Variants in FBXL16 observed in about 807,000 individuals in gnomAD.
FBXL16 encodes F-box/LRR-repeat protein 16.
In FBXL16, 7 loss-of-function variants were observed where a neutral mutation model predicts 36.7. That is an observed-to-expected ratio of 0.19 (90% CI 0.11 to 0.36). The LOEUF is 0.36. Ranked by LOEUF, FBXL16 falls within the 10% of genes least tolerant of loss-of-function variation. The pLI, the probability that FBXL16 is intolerant of heterozygous loss-of-function variation, is 1.00. For missense variants in FBXL16, 463 were observed against 659.4 expected, an observed-to-expected ratio of 0.70 and a Z score of 3.26; for synonymous variants, 355 against 308.7, an observed-to-expected ratio of 1.15 and a Z score of -1.57.
intron 1 of FBXL16, among the ~76,000 whole-genome samples, chr16:698,913 C>CAAAAAAAAAAAA (rs767619638): frequency 6.7e-5 from 6 of 89,646 alleles, no homozygotes; most frequent in Non-Finnish European, 1.2e-4. Flanking sequence ...GACTTTGTCT[C>CAAAAAAAAAAAA]AAAAAAAAAA....
rs759977765 is a variant in FBXL16 at position 694,590 on chromosome 16, G to T, written c.1291+44C>A. 60 of 1,576,676 alleles carry T rather than the reference G, an allele frequency of 3.8e-5. No homozygotes were observed. In the South Asian group the frequency reaches 6.9e-4, roughly 18 times the overall value. On this transcript the variant is annotated intron_variant, in intron 5 of 5. Transcript: ENST00000397621. ...GGTTGGGCGGGTGGACTAAGTGGGG[G>T]TGGGTGGTCACTGCCAGCGTCAGAG...
chr16:700,522 G>A (rs2040047765), intron 1 of FBXL16, among the ~76,000 whole-genome samples: 1 of 152,154 alleles, frequency 6.6e-6, no homozygotes, highest in African/African-American at 2.4e-5. Flanking sequence ...GAAGGAACAC[G>A]AGGCTCTGAG....
intron 1 of FBXL16, among the ~76,000 whole-genome samples, chr16:704,786 A>G (rs2040079558): frequency 6.6e-6 from 1 of 152,230 alleles, no homozygotes; most frequent in South Asian, 2.1e-4. Context: ...CTGCCCGAAC[A>G]GAGCCTGGAG....
In FBXL16 at chr16:694,393, G is replaced by C. The variant is rs1181595539; in HGVS notation, c.1322C>G (p.Ser441Trp). 2 of 1,546,042 alleles carry C rather than the reference G, an allele frequency of 1.3e-6. No homozygotes were observed. The highest frequency in any genetic ancestry group is 2.5e-5 in the East Asian group (1 of 39,692). The change falls in exon 6 of 6, where the codon TCG (serine) becomes TGG (tryptophan). Residue 441 changes from serine (S) to tryptophan (W), a missense_variant. This residue lies in a region of FBXL16 where 134 missense variants were observed against 172.0 expected (regional missense o/e 0.78). Transcript: ENST00000397621. ...GCPLLTTTGL[S>W]GLVQLQELEE... ...CAGCTCCTGCAGCTGCACCAGGCCC[G>C]ACAGCCCGGTGGTGGTGAGCAGCGG...
At chr16:696,747 C>A in intron 2 of FBXL16, 26 bp downstream of exon 2, 3 of 1,495,334 alleles carry the variant, frequency 2.0e-6, no homozygotes, top group Non-Finnish European at 1.8e-6. Flanking sequence ...CCCCCCAGCC[C>A]TGTCCCCCCC....
At chr16:702,925 T>C (rs1187131803) in intron 1 of FBXL16, among the ~76,000 whole-genome samples, 2 of 152,242 alleles carry the variant, frequency 1.3e-5, no homozygotes, top group East Asian at 3.9e-4. Context: ...GGGGTCCTCC[T>C]GCCCCGCTCT....
intron 1 of FBXL16, among the ~76,000 whole-genome samples, chr16:703,950 C>T (rs1296626275): frequency 6.6e-6 from 1 of 152,270 alleles, no homozygotes; most frequent in East Asian, 1.9e-4. Flanking sequence ...AACCATCACC[C>T]CTCTTTCCTG....
At position 694,436 on chromosome 16, in the gene FBXL16, C is replaced by A; in HGVS notation, c.1292-13G>T. On this transcript the variant is annotated splice_polypyrimidine_tract_variant and intron_variant, in intron 5 of 5. Transcript: ENST00000397621. ...AGCAGCGGGCAGCCTGCGGCGGGGT[C>A]AGAGGGCGGCTCAGTGCGCGCGGCC... 6.5e-7 allele frequency: 1 copy of A among 1,537,430 alleles called. No individual in the cohort carries two copies. Among genetic ancestry groups the A allele is most frequent in the South Asian group, 1.2e-5 (1 of 81,928 alleles).
At chr16:694,505 C>T (rs1459413875) in intron 5 of FBXL16, 82 bp from the exon 6 acceptor site, 26 of 1,497,580 alleles carry the variant, frequency 1.7e-5, no homozygotes, top group African/African-American at 5.6e-5. Context: ...CCCTCCTCCT[C>T]CGCCTCGGAC....
Position 694,225 on chromosome 16 carries a change from C to A in FBXL16, c.*50G>T. The A allele has an allele frequency of 8.0e-7, 1 of 1,250,224 alleles. No homozygotes were observed. The highest frequency in any genetic ancestry group is 1.0e-6 in the Non-Finnish European group (1 of 988,596). The allele number at this position is 1,250,224 out of a possible 1,614,324, so 77.4% of individuals were successfully genotyped here. On this transcript the variant is annotated 3_prime_UTR_variant, in exon 6 of 6. Transcript: ENST00000397621. The stretch of plus-strand genomic sequence containing the variant: ...GAGGGGGCTCGGCGGCGCCCCGCGC[C>A]CCCGCCCAGGTCATGGCCGGGTTCC...
At chr16:701,873 A>G (rs7199133) in intron 1 of FBXL16, among the ~76,000 whole-genome samples, 4,667 of 152,206 alleles carry the variant, frequency 0.031, 209 homozygotes, top group African/African-American at 0.095. Context: ...GAATCCTGTC[A>G]AGGCTCCGGG....
In FBXL16 at chr16:694,355, G is replaced by GCTCCAGCTC; in HGVS notation, c.1351_1359dup (p.Glu451_Glu453dup). ...GGGGTGGCCCCGGGGCAGTTGGTCAGCTCCAGCTCCTCCAGCTCCTGCAGC... is the reference window on the plus strand; with the variant it reads ...GGGGTGGCCCCGGGGCAGTTGGTCAGCTCCAGCTCCTCCAGCTCCTCCAGCTCCTGCAGC... On this transcript the variant is annotated inframe_insertion, in exon 6 of 6. Transcript: ENST00000397621. 6.5e-7 allele frequency: 1 copy of GCTCCAGCTC among 1,536,220 alleles called. No individual in the cohort carries two copies. Among genetic ancestry groups the GCTCCAGCTC allele is most frequent in the Non-Finnish European group, 8.7e-7 (1 of 1,150,764 alleles).
In FBXL16 at chr16:694,699, T is replaced by A; in HGVS notation, c.1228-2A>T. 6.2e-7 allele frequency: 1 copy of A among 1,603,504 alleles called. No individual in the cohort carries two copies. The highest frequency in any genetic ancestry group is 8.5e-7 in the Non-Finnish European group (1 of 1,175,264). On this transcript the variant is annotated splice_acceptor_variant, in intron 4 of 5. Coordinates refer to ENST00000397621, the MANE Select transcript of FBXL16 (RefSeq NM_153350.4). LOFTEE classifies it high-confidence loss of function. ...GTGCTTCAGCCCGAAGTCTTGCACC[T>A]GTCGGGAGTGGAGGAGCGACTTAAC...
At chr16:694,971 C>T in intron 4 of FBXL16, 21 bp downstream of exon 4, 1 of 1,524,144 alleles carries the variant, frequency 6.6e-7, no homozygotes, top group Non-Finnish European at 8.8e-7. Context: ...TCCCCCAATC[C>T]CGGGGCGTGA....
At chr16:699,263 G>C (rs968990800) in intron 1 of FBXL16, among the ~76,000 whole-genome samples, 2 of 152,230 alleles carry the variant, frequency 1.3e-5, no homozygotes, top group Admixed American at 6.5e-5. Context: ...GGTGGAGTGG[G>C]AGCAGTCCCG....
chr16:699,845 G>C (rs1272747948), intron 1 of FBXL16, among the ~76,000 whole-genome samples: 1 of 148,554 alleles, frequency 6.7e-6, no homozygotes. Flanking sequence ...AGTCTCCCAC[G>C]AAGATTCCAA....
chr16:704,299 G>A (rs981986798), intron 1 of FBXL16, among the ~76,000 whole-genome samples: 6 of 152,222 alleles, frequency 3.9e-5, no homozygotes, highest in Non-Finnish European at 7.3e-5. Flanking sequence ...CAGCCGCCCC[G>A]GAAGTGGGTG....
chr16:697,469 G>A lies in FBXL16; in HGVS notation c.-14-50C>T. 1 of 1,479,464 alleles carries A rather than the reference G, an allele frequency of 6.8e-7. No homozygotes were observed. Among genetic ancestry groups the A allele is most frequent in the Non-Finnish European group, 9.0e-7 (1 of 1,116,396 alleles). The allele number at this position is 1,479,464 out of a possible 1,614,324, so 91.6% of individuals were successfully genotyped here. A position where few individuals can be genotyped will look rare whatever the true frequency, so the allele number is the denominator to read the frequency against. On this transcript the variant is annotated intron_variant, in intron 1 of 5. Transcript: ENST00000397621. This position sits in a 1 kb window ranked among gnomAD's most constrained non-coding sequence, Gnocchi z 4.6. ...AGTGAGTCTGTTGCTGAGTCTGGAA[G>A]GCCGGGGTTGGGGGCGGGTGCAGTG... is the stretch of plus-strand genomic sequence containing the variant.
At chr16:695,272 A>T in intron 3 of FBXL16, 143 bp downstream of exon 3, 1 of 1,175,878 alleles carries the variant, frequency 8.5e-7, no homozygotes, top group Non-Finnish European at 1.1e-6. Context: ...CCCACTCCCC[A>T]GGCTCCGAGG....
Sources: allele counts gnomAD v4.1 joint callset (sites outside exome capture counted in the v4.1 genomes callset), GRCh38; gene constraint gnomAD v4.1.1; regional missense constraint gnomAD v4.1.1; non-coding constraint Gnocchi (gnomAD v3.1); transcripts MANE v1.5; gene names NCBI Gene and HGNC (gene_info 2026-07-23, HGNC 2026-07-21).